Variants in CFLAR observed in about 807,000 individuals in gnomAD.
CFLAR encodes the protein CASP8 and FADD-like apoptosis regulator.
In CFLAR, 14 loss-of-function variants were observed where a neutral mutation model predicts 51.1. The ratio of observed to expected loss-of-function variants is 0.27; its 90% CI spans 0.18 to 0.43. CFLAR has a LOEUF of 0.43. Among genes scored for constraint, CFLAR ranks in the 20% least tolerant of loss-of-function variants. The pLI is 1.00. For synonymous variants in CFLAR, 210 were observed against 211.6 expected, an observed-to-expected ratio of 0.99 and a Z score of 0.06; for missense variants, 390 against 566.5, an observed-to-expected ratio of 0.69 and a Z score of 3.16.
chr2:201,146,042 C>T (rs1320505138), intron 6 of CFLAR, among the ~76,000 whole-genome samples: 1 of 152,018 alleles, frequency 6.6e-6, no homozygotes, highest in Non-Finnish European at 1.5e-5. Context: ...TTTTGGCTCA[C>T]TACAGCCTCC....
Position 201,160,617 on chromosome 2 carries a change from A to C in CFLAR, c.979A>C (p.Thr327Pro), listed in dbSNP as rs896424667. The change falls in exon 9 of 10, where the codon ACT becomes CCT. Residue 327 changes from threonine to proline, a missense_variant. Coordinates refer to ENST00000309955, the MANE Select transcript of CFLAR (RefSeq NM_003879.7). ...CCAGAGTGTGTATGGTGTGGATCAG[A>C]CTCACTCAGGGCTCCCCCTGCATCA... The part of the protein sequence containing the change: ...GSQSVYGVDQ[T>P]HSGLPLHHIR... 1 of 1,613,192 alleles carries C rather than the reference A, an allele frequency of 6.2e-7. No individual in the cohort carries two copies. The highest frequency in any genetic ancestry group is 8.5e-7 in the Non-Finnish European group (1 of 1,179,812).
chr2:201,141,426 C>T, intron 5 of CFLAR: 1 of 1,556,554 alleles, frequency 6.4e-7, no homozygotes, highest in Non-Finnish European at 8.7e-7. Flanking sequence ...GGAAATTGTT[C>T]CATGTGATTA....
chr2:201,136,848 G>C, intron 4 of CFLAR: 1 of 242,122 alleles, frequency 4.1e-6, no homozygotes, highest in Non-Finnish European at 8.2e-6. Context: ...ACACAGGGAC[G>C]CAACAGTGAT....
At chr2:201,134,588 T>C (rs948719770) in intron 3 of CFLAR, among the ~76,000 whole-genome samples, 8 of 151,678 alleles carry the variant, frequency 5.3e-5, no homozygotes, top group African/African-American at 1.9e-4. Context: ...TAAGCCAAGA[T>C]TGTGCTATTG....
Position 201,138,858 on chromosome 2 carries a change from G to T in CFLAR, c.524-1499G>T. 1.4e-6 allele frequency: 1 copy of T among 722,308 alleles called. No homozygotes were observed. 44.7% of individuals were successfully genotyped at this position (722,308 alleles called of 1,614,324 possible). A position where few individuals can be genotyped will look rare whatever the true frequency, so the allele number is the denominator to read the frequency against. ...CTCTGTCACAGTGTCCATGGGGGAG[G>T]AGATCAGCGGCGTCTTCAGAGTGAC... On this transcript the variant is annotated intron_variant, in intron 4 of 9. Coordinates refer to ENST00000309955, the MANE Select transcript of CFLAR (RefSeq NM_003879.7). The surrounding 1 kb of genome is among the most constrained non-coding windows in gnomAD (Gnocchi z 4.0).
At chr2:201,137,828 G>T (rs2050350862) in intron 4 of CFLAR, 4 of 1,177,210 alleles carry the variant, frequency 3.4e-6, no homozygotes, top group Middle Eastern at 2.7e-4. Flanking sequence ...CCATGCCCTG[G>T]TACTTCTTGA....
chr2:201,126,034 T>C (rs1222044708), intron 1 of CFLAR, among the ~76,000 whole-genome samples: 1 of 146,128 alleles, frequency 6.8e-6, no homozygotes, highest in African/African-American at 2.8e-5. Context: ...ATGCGCTGTC[T>C]GATTGTTGTA....
At chr2:201,141,432 G>A in intron 5 of CFLAR, 2 of 1,554,090 alleles carry the variant, frequency 1.3e-6, no homozygotes, top group South Asian at 1.2e-5. Context: ...TGTTCCATGT[G>A]ATTAACATGG....
chr2:201,156,727 C>G (rs1277074351), intron 8 of CFLAR, among the ~76,000 whole-genome samples: 2 of 151,972 alleles, frequency 1.3e-5, no homozygotes, highest in South Asian at 2.1e-4. Context: ...CCCTCCCCAC[C>G]CCCCCACATC....
intron 4 of CFLAR, 136 bp downstream of exon 4, chr2:201,136,243 G>A (rs202051185): frequency 2.5e-4 from 399 of 1,605,740 alleles, no homozygotes; most frequent in Non-Finnish European, 3.2e-4. Context: ...TTTAGCTTGT[G>A]GCTAGAAATC....
At chr2:201,139,490 G>C (rs1200380821) in intron 4 of CFLAR, 1 of 154,170 alleles carries the variant, frequency 6.5e-6, no homozygotes, top group Non-Finnish European at 1.4e-5. Context: ...AGAAGAGGAA[G>C]GCATCTGTCT....
chr2:201,175,738 A>G lies in CFLAR; in HGVS notation c.*11765A>G, dbSNP rs892926665. ...CAACCTCAATTCTTTCCTCCTCAGA[A>G]GAAAGAATTTGACTGAGGGGCATAA... On this transcript the variant is annotated 3_prime_UTR_variant, in exon 10 of 10. Transcript: ENST00000309955. 1 of 152,184 alleles carries G rather than the reference A, an allele frequency of 6.6e-6. No individual in the cohort carries two copies. Among genetic ancestry groups the G allele is most frequent in the African/African-American group, 2.4e-5 (1 of 41,438 alleles). 9.4% of individuals were successfully genotyped at this position (152,184 alleles called of 1,614,324 possible). A position where few individuals can be genotyped will look rare whatever the true frequency, so the allele number is the denominator to read the frequency against.
At chr2:201,125,234 G>A (rs568447867) in intron 1 of CFLAR, among the ~76,000 whole-genome samples, 5 of 151,994 alleles carry the variant, frequency 3.3e-5, no homozygotes, top group African/African-American at 9.7e-5. Context: ...GCTGTGTAGA[G>A]GAGATGGTGG....
At chr2:201,143,592 AT>A (rs1354422250) in intron 5 of CFLAR, 1 of 152,216 alleles carries the variant, frequency 6.6e-6, no homozygotes, top group Non-Finnish European at 1.5e-5. Context: ...CTAGAAGTTA[AT>A]TCATATGAGG....
Position 201,133,110 on chromosome 2 carries a change from C to G in CFLAR, c.363C>G (p.Gly121=). 6.2e-7 allele frequency: 1 copy of G among 1,613,212 alleles called. No individual in the cohort carries two copies. Among genetic ancestry groups the G allele is most frequent in the African/African-American group, 1.3e-5 (1 of 75,000 alleles). ...SLIFLMKDYM[G]RGKISKEKSF... The stretch of plus-strand genomic sequence containing the variant: ...TTTTCCTCATGAAGGATTACATGGG[C>G]CGAGGCAAGATAAGCAAGGAGAAGG... Residue 121 remains glycine (G), a synonymous_variant, in exon 3 of 10, where the codon GGC becomes GGG. Coordinates refer to ENST00000309955, the MANE Select transcript of CFLAR (RefSeq NM_003879.7).
In CFLAR at chr2:201,138,731, C is replaced by T; in HGVS notation, c.524-1626C>T. The T allele has an allele frequency of 1.3e-6, 1 of 782,212 alleles. No homozygotes were observed. Among genetic ancestry groups the T allele is most frequent in the Admixed American group, 1.7e-5 (1 of 58,882 alleles). 48.5% of individuals were successfully genotyped at this position (782,212 alleles called of 1,614,324 possible). On this transcript the variant is annotated intron_variant, in intron 4 of 9. Coordinates refer to ENST00000309955, the MANE Select transcript of CFLAR (RefSeq NM_003879.7). This position sits in a 1 kb window ranked among gnomAD's most constrained non-coding sequence, Gnocchi z 4.0. Reference sequence around the variant, plus strand: ...GGTGTGTGATAAAGCCCGGTTCAAACTTCTTGACCTTCTGCACCTCACTGG... The same window carrying T: ...GGTGTGTGATAAAGCCCGGTTCAAATTTCTTGACCTTCTGCACCTCACTGG...
At position 201,116,650 on chromosome 2, in the gene CFLAR, G is replaced by T. The variant is rs1471459380; in HGVS notation, c.-138+169G>T. ...CCTGCGCTCCGGGAAACTGCAGGTG[G>T]CCGGCAGTGGCCAGGGGATGGCGGG... On this transcript the variant is annotated intron_variant, in intron 1 of 9. Transcript: ENST00000309955. The surrounding 1 kb of genome is among the most constrained non-coding windows in gnomAD (Gnocchi z 4.8). Among the ~76,000 whole-genome samples the T allele has an allele frequency of 6.6e-6, 1 of 152,258 alleles. No homozygotes were observed. The highest frequency in any genetic ancestry group is 1.5e-5 in the Non-Finnish European group (1 of 68,046).
At chr2:201,162,851 A>T in intron 9 of CFLAR, 1 of 562,428 alleles carries the variant, frequency 1.8e-6, no homozygotes, top group Non-Finnish European at 3.2e-6. Context: ...CATCAGTTTA[A>T]TGTATGCACA....
chr2:201,146,570 C>G (rs979917846), intron 6 of CFLAR: 15 of 152,368 alleles, frequency 9.8e-5, no homozygotes, highest in African/African-American at 2.7e-4. Context: ...GCGTGAGCCA[C>G]TGCACCCAGC....
Sources: gnomAD v4.1 joint callset for allele counts (sites outside exome capture counted in the v4.1 genomes callset) on GRCh38, gnomAD v4.1.1 for gene constraint, Gnocchi (gnomAD v3.1) non-coding constraint, MANE v1.5 for transcripts, NCBI Gene and HGNC (gene_info 2026-07-23, HGNC 2026-07-21) for gene names.